SPIRE1: variants seen among roughly 807,000 people sequenced by gnomAD.
SPIRE1 encodes the protein spire type actin nucleation factor 1.
In SPIRE1, 40 loss-of-function variants were observed where a neutral mutation model predicts 94.1. The ratio of observed to expected loss-of-function variants is 0.43; its 90% CI spans 0.33 to 0.55. The LOEUF (loss-of-function observed/expected upper bound fraction) is 0.55, where lower values mean the gene tolerates loss of function less well. Ranked by LOEUF, SPIRE1 falls within the 20% of genes least tolerant of loss-of-function variation. SPIRE1 has a pLI of 0.06. For synonymous variants in SPIRE1, 376 were observed against 371.7 expected, an observed-to-expected ratio of 1.01 and a Z score of -0.13; for missense variants, 838 against 975.2, an observed-to-expected ratio of 0.86 and a Z score of 1.87.
chr18:12,621,943 T>C lies in SPIRE1; in HGVS notation c.372+13119A>G, dbSNP rs147077644. ...TCTAATTTTGCTGATAATGGGTTTT[T>C]AAAAACCTTATTTTAATATCTGCTA... On this transcript the variant is annotated intron_variant, in intron 2 of 16. Transcript: ENST00000409402. Among the ~76,000 whole-genome samples, 404 of 152,314 alleles carry C rather than the reference T, an allele frequency of 2.7e-3. 1 individual carries two copies. Among genetic ancestry groups the C allele is most frequent in the African/African-American group, 9.0e-3 (374 of 41,562 alleles).
rs1255526382 is a variant in SPIRE1 at position 12,535,386 on chromosome 18, C to G, written c.729+90G>C. On this transcript the variant is annotated intron_variant, in intron 4 of 16. Coordinates refer to ENST00000409402, the MANE Select transcript of SPIRE1 (RefSeq NM_001128626.2). ...AAATCTTTTAAAACAATACAGCGGA[C>G]AATATTGAAAATTTAGGTTTCTCTT... is the stretch of plus-strand genomic sequence containing the variant. The G allele has an allele frequency of 2.2e-6, 3 of 1,354,886 alleles. No individual in the cohort carries two copies. The African/African-American group carries it at 4.3e-5, about 20-fold the overall frequency. The allele number at this position is 1,354,886 out of a possible 1,614,324, so 83.9% of individuals were successfully genotyped here. A position where few individuals can be genotyped will look rare whatever the true frequency, so the allele number is the denominator to read the frequency against.
At chr18:12,487,760 TATA>T (rs1329886101) in intron 8 of SPIRE1, among the ~76,000 whole-genome samples, 1 of 152,216 alleles carries the variant, frequency 6.6e-6, no homozygotes, top group Non-Finnish European at 1.5e-5. Context: ...AATTTATGCA[TATA>T]ATAACCACTA....
intron 6 of SPIRE1, among the ~76,000 whole-genome samples, chr18:12,501,509 G>A (rs1043132168): frequency 1.3e-5 from 2 of 152,118 alleles, no homozygotes; most frequent in East Asian, 3.9e-4. Context: ...TCAGCCTCCC[G>A]AGTGGCTGGG....
chr18:12,632,730 TTTAG>T (rs1027540274), intron 2 of SPIRE1, among the ~76,000 whole-genome samples: 10 of 132,056 alleles, frequency 7.6e-5, no homozygotes, highest in African/African-American at 2.0e-4. Context: ...AAAACTTCTA[TTTAG>T]TTAGATTCCA....
chr18:12,653,738 G>A (rs2038445251), intron 1 of SPIRE1, among the ~76,000 whole-genome samples: 1 of 152,038 alleles, frequency 6.6e-6, no homozygotes, highest in African/African-American at 2.4e-5. Context: ...ACTGAGGTCG[G>A]GAGTTCGTGA....
intron 4 of SPIRE1, among the ~76,000 whole-genome samples, chr18:12,528,547 C>T (rs530047444): frequency 1.3e-5 from 2 of 152,266 alleles, no homozygotes; most frequent in Admixed American, 1.3e-4. Context: ...GTAGGCAACA[C>T]CAGCACACAT....
chr18:12,577,513 G>A (rs538827346), intron 2 of SPIRE1, among the ~76,000 whole-genome samples: 8 of 152,032 alleles, frequency 5.3e-5, no homozygotes, highest in African/African-American at 1.9e-4. Flanking sequence ...GAAAATTCTA[G>A]AAAAAAAGGA....
intron 1 of SPIRE1, among the ~76,000 whole-genome samples, chr18:12,648,462 C>T (rs2038285470): frequency 6.6e-6 from 1 of 152,044 alleles, no homozygotes; most frequent in Admixed American, 6.6e-5. Flanking sequence ...AATGGAGGGA[C>T]ATTTTACAAA....
Position 12,610,606 on chromosome 18 carries a change from CTGA to C in SPIRE1, c.372+24453_372+24455del, listed in dbSNP as rs1352462803. 1.3e-4 allele frequency among the ~76,000 whole-genome samples: 20 copies of C among 152,280 alleles called. No individual in the cohort carries two copies. In the South Asian group the frequency reaches 4.2e-3, roughly 32 times the overall value. ...TGCCTCCCCACCTGCATTTGTATAG[CTGA>C]ATGTGGCTAGAGTAAAACACAGAAA... is the stretch of plus-strand genomic sequence containing the variant. On this transcript the variant is annotated intron_variant, in intron 2 of 16. Coordinates refer to ENST00000409402, the MANE Select transcript of SPIRE1 (RefSeq NM_001128626.2).
chr18:12,640,026 G>C (rs2038042989), intron 1 of SPIRE1, among the ~76,000 whole-genome samples: 1 of 152,130 alleles, frequency 6.6e-6, no homozygotes, highest in Non-Finnish European at 1.5e-5. Context: ...AGGCAACACT[G>C]TCATCTTCAG....
intron 4 of SPIRE1, among the ~76,000 whole-genome samples, chr18:12,527,497 G>A (rs1408160227): frequency 6.6e-6 from 1 of 152,190 alleles, no homozygotes; most frequent in Non-Finnish European, 1.5e-5. Flanking sequence ...TGGGCTTAGA[G>A]CTGCTGCAGA....
chr18:12,556,491 C>T (rs943889482), intron 2 of SPIRE1, among the ~76,000 whole-genome samples: 15 of 152,200 alleles, frequency 9.9e-5, no homozygotes, highest in African/African-American at 2.4e-4. Flanking sequence ...CGGACCCTCA[C>T]GGTGAGTGTT....
intron 2 of SPIRE1, among the ~76,000 whole-genome samples, chr18:12,574,590 TCA>T (rs1351522736): frequency 1.3e-5 from 2 of 152,146 alleles, no homozygotes; most frequent in Non-Finnish European, 2.9e-5. Flanking sequence ...GGAAATATAA[TCA>T]CAGACACTAA....
At chr18:12,659,687 A>G (rs1405532841), upstream of SPIRE1, among the ~76,000 whole-genome samples, 1 of 152,066 alleles carries the variant, frequency 6.6e-6, no homozygotes, top group Admixed American at 6.6e-5. Flanking sequence ...TAAATAATAA[A>G]TTGAAAGAGG....
chr18:12,458,337 C>T (rs1027982165), intron 12 of SPIRE1, among the ~76,000 whole-genome samples: 23 of 151,624 alleles, frequency 1.5e-4, no homozygotes, highest in Admixed American at 1.4e-3. Context: ...GAAGGCCAGG[C>T]GCAGTGGCTC....
chr18:12,556,972 G>A (rs568318059), intron 2 of SPIRE1, among the ~76,000 whole-genome samples: 2 of 152,272 alleles, frequency 1.3e-5, no homozygotes, highest in South Asian at 2.1e-4. Flanking sequence ...CCATTTTACA[G>A]AGAGCTGATT....
intron 2 of SPIRE1, among the ~76,000 whole-genome samples, chr18:12,570,220 T>C (rs1862524345): frequency 6.6e-6 from 1 of 152,250 alleles, no homozygotes; most frequent in Admixed American, 6.5e-5. Context: ...TGATTCTTCT[T>C]GGTATTTGCT....
intron 2 of SPIRE1, among the ~76,000 whole-genome samples, chr18:12,608,619 C>T (rs2037054429): frequency 6.6e-6 from 1 of 152,138 alleles, no homozygotes; most frequent in South Asian, 2.1e-4. Flanking sequence ...CAATTGCTCT[C>T]TAAAAAGTTA....
intron 5 of SPIRE1, among the ~76,000 whole-genome samples, chr18:12,509,464 C>T (rs974789216): frequency 6.6e-6 from 1 of 152,146 alleles, no homozygotes; most frequent in East Asian, 1.9e-4. Flanking sequence ...AGATGATATA[C>T]ACTTAGAACA....
Sources: gnomAD v4.1 joint callset for allele counts (sites outside exome capture counted in the v4.1 genomes callset) on GRCh38, gnomAD v4.1.1 for gene constraint, MANE v1.5 for transcripts, NCBI Gene and HGNC (gene_info 2026-07-23, HGNC 2026-07-21) for gene names.